The following CDK17 variants were observed in gnomAD, a reference collection of about 807,000 sequenced individuals.
CDK17 encodes the protein cyclin dependent kinase 17.
CDK17 carries 24 observed loss-of-function variants against 77.6 expected under a neutral mutation model. That is an observed-to-expected ratio of 0.31 (90% CI 0.22 to 0.44). The LOEUF is 0.44. Ranked by LOEUF, CDK17 falls within the 20% of genes least tolerant of loss-of-function variation. The pLI is 1.00. For missense variants in CDK17, 429 were observed against 622.5 expected (o/e 0.69, Z 3.31); for synonymous variants, 203 against 210.4 (o/e 0.96, Z 0.30).
At chr12:96,351,980 A>C (rs942476654) in intron 1 of CDK17, among the ~76,000 whole-genome samples, 1 of 152,234 alleles carries the variant, frequency 6.6e-6, no homozygotes, top group Non-Finnish European at 1.5e-5. Context: ...CTGAGGATGC[A>C]AAGAAAATAA....
At chr12:96,300,688 C>T (rs1327609285) in intron 5 of CDK17, among the ~76,000 whole-genome samples, 1 of 152,164 alleles carries the variant, frequency 6.6e-6, no homozygotes, top group African/African-American at 2.4e-5. Flanking sequence ...TAAGCCACCG[C>T]GCCCAGCCTT....
chr12:96,330,016 T>G (rs576970294), intron 2 of CDK17, among the ~76,000 whole-genome samples: 4 of 152,354 alleles, frequency 2.6e-5, no homozygotes, highest in Non-Finnish European at 2.9e-5. Context: ...CTTGGGAACA[T>G]GTACATTAGC....
chr12:96,398,441 T>C (rs1342394671), intron 1 of CDK17, among the ~76,000 whole-genome samples: 1 of 152,214 alleles, frequency 6.6e-6, no homozygotes, highest in African/African-American at 2.4e-5. Flanking sequence ...GCAAATTTTT[T>C]CCCCTTAAAA....
At chr12:96,362,877 TA>T (rs1332008404) in intron 1 of CDK17, among the ~76,000 whole-genome samples, 2 of 152,116 alleles carry the variant, frequency 1.3e-5, no homozygotes, top group African/African-American at 4.8e-5. Flanking sequence ...CTGGTGGAGT[TA>T]GGGGGATGGA....
chr12:96,317,919 T>C (rs918719033), intron 3 of CDK17, among the ~76,000 whole-genome samples: 11 of 149,300 alleles, frequency 7.4e-5, no homozygotes, highest in East Asian at 6.0e-4. Context: ...CCTAACATCA[T>C]AATGACAGGA....
chr12:96,310,670 T>G (rs558045925), intron 5 of CDK17, among the ~76,000 whole-genome samples: 3 of 151,556 alleles, frequency 2.0e-5, no homozygotes, highest in Non-Finnish European at 4.4e-5. Context: ...ATATTAACAT[T>G]TCAAAGGTTC....
intron 5 of CDK17, among the ~76,000 whole-genome samples, chr12:96,305,108 CCTGA>C (rs761203777): frequency 9.9e-5 from 15 of 152,190 alleles, no homozygotes; most frequent in Non-Finnish European, 1.6e-4. Flanking sequence ...TCTGATGAAT[CCTGA>C]CTATCTACAT....
chr12:96,318,599 C>G (rs1952766720), intron 3 of CDK17, among the ~76,000 whole-genome samples: 1 of 147,080 alleles, frequency 6.8e-6, no homozygotes, highest in African/African-American at 2.5e-5. Flanking sequence ...AACAAACTAT[C>G]TCTCAGACCA....
At chr12:96,347,316 C>T (rs1953229513) in intron 1 of CDK17, among the ~76,000 whole-genome samples, 1 of 151,830 alleles carries the variant, frequency 6.6e-6, no homozygotes, top group Admixed American at 6.6e-5. Context: ...GTAATCCCAA[C>T]ACTTTAGGAG....
At chr12:96,380,481 G>A (rs2137226239) in intron 1 of CDK17, among the ~76,000 whole-genome samples, 1 of 152,000 alleles carries the variant, frequency 6.6e-6, no homozygotes, top group South Asian at 2.1e-4. Context: ...TAGAGAGACG[G>A]GGTTTCGCCA....
At chr12:96,312,615 T>A (rs1301691444) in intron 4 of CDK17, among the ~76,000 whole-genome samples, 1 of 152,148 alleles carries the variant, frequency 6.6e-6, no homozygotes, top group Admixed American at 6.5e-5. Flanking sequence ...TTAATCATCA[T>A]CTCAACAGCA....
intron 7 of CDK17, among the ~76,000 whole-genome samples, chr12:96,298,074 A>G (rs955921520): frequency 6.6e-6 from 1 of 152,058 alleles, no homozygotes; most frequent in African/African-American, 2.4e-5. Flanking sequence ...GCGGATCGTG[A>G]GGTCAGGAGA....
At chr12:96,379,387 T>C (rs761304294) in intron 1 of CDK17, among the ~76,000 whole-genome samples, 1 of 152,204 alleles carries the variant, frequency 6.6e-6, no homozygotes, top group Non-Finnish European at 1.5e-5. Flanking sequence ...CTGATATTTA[T>C]AGTTAAACAA....
rs551208228 is a variant in CDK17, at chr12:96,289,766, T to C, written c.998-479A>G. Among the ~76,000 whole-genome samples, 8 of 152,348 alleles carry C rather than the reference T, an allele frequency of 5.3e-5. No individual in the cohort carries two copies. The South Asian group carries it at 6.2e-4, about 12-fold the overall frequency. On this transcript the variant is annotated intron_variant, in intron 10 of 16. Transcript: ENST00000261211. ...CAAAAACTGTAAAGTTATTGGTCCA[T>C]AATCTCATTGAGATTTACTGACAAA...
intron 1 of CDK17, among the ~76,000 whole-genome samples, chr12:96,357,976 A>C (rs894679797): frequency 2.0e-5 from 3 of 152,170 alleles, no homozygotes; most frequent in African/African-American, 7.2e-5. Context: ...ATAGAATAGA[A>C]TGTTATTATA....
intron 1 of CDK17, among the ~76,000 whole-genome samples, chr12:96,379,227 T>C (rs989398737): frequency 3.3e-5 from 5 of 152,162 alleles, no homozygotes; most frequent in African/African-American, 1.2e-4. Flanking sequence ...AAAATTAACA[T>C]ATTATCAGAA....
intron 1 of CDK17, among the ~76,000 whole-genome samples, chr12:96,357,354 T>C (rs1392825739): frequency 4.6e-5 from 7 of 151,986 alleles, no homozygotes. Context: ...CCTAGCTACT[T>C]AGGAAGCTGA....
At chr12:96,389,409 T>G (rs1447893621) in intron 1 of CDK17, among the ~76,000 whole-genome samples, 2 of 152,178 alleles carry the variant, frequency 1.3e-5, no homozygotes, top group Non-Finnish European at 2.9e-5. Context: ...GCAGATCTTT[T>G]CCAAAAAATT....
chr12:96,283,540 T>C, intron 14 of CDK17, 63 bp downstream of exon 14: 1 of 959,006 alleles, frequency 1.0e-6, no homozygotes, highest in Non-Finnish European at 1.7e-6. Flanking sequence ...CTGAGCCCAT[T>C]CTACACATGA....
Sources: gnomAD v4.1 joint callset for allele counts (sites outside exome capture counted in the v4.1 genomes callset) on GRCh38, gnomAD v4.1.1 for gene constraint, MANE v1.5 for transcripts, NCBI Gene and HGNC (gene_info 2026-07-23, HGNC 2026-07-21) for gene names.